CNTN5: variants seen among roughly 807,000 people sequenced by gnomAD.
CNTN5 encodes contactin-5.
CNTN5 carries 77 observed loss-of-function variants against 129.1 expected under a neutral mutation model. The ratio of observed to expected loss-of-function variants is 0.60; its 90% CI spans 0.50 to 0.72. The LOEUF (loss-of-function observed/expected upper bound fraction) is 0.72. Ranked by LOEUF, CNTN5 falls within the 30% of genes least tolerant of loss-of-function variation. The pLI is 0.00. For synonymous variants in CNTN5, 509 were observed against 465.6 expected (o/e 1.09, Z -1.20); for missense variants, 1,478 against 1,328.8 (o/e 1.11, Z -1.75).
At chr11:99,097,897 A>G (rs907570326) in intron 1 of CNTN5, among the ~76,000 whole-genome samples, 2 of 152,040 alleles carry the variant, frequency 1.3e-5, no homozygotes, top group African/African-American at 4.8e-5. Context: ...GTGGTGAGAT[A>G]AGGAAGTAAA....
intron 1 of CNTN5, among the ~76,000 whole-genome samples, chr11:99,169,527 C>A (rs1211364700): frequency 6.6e-6 from 1 of 151,968 alleles, no homozygotes. Flanking sequence ...GTTGATGAAA[C>A]CTATGAGCCA....
intron 3 of CNTN5, among the ~76,000 whole-genome samples, chr11:99,817,776 A>G (rs1278196811): frequency 1.3e-5 from 2 of 152,058 alleles, no homozygotes; most frequent in East Asian, 1.9e-4. Context: ...CTTGCATTTA[A>G]TTCCATGTTT....
At chr11:100,077,307 A>G in intron 13 of CNTN5, among the ~76,000 whole-genome samples, 1 of 152,190 alleles carries the variant, frequency 6.6e-6, no homozygotes. Flanking sequence ...ATAAATATAA[A>G]TATCACTCAT....
At chr11:99,765,271 T>A (rs1248505993) in intron 3 of CNTN5, among the ~76,000 whole-genome samples, 1 of 151,870 alleles carries the variant, frequency 6.6e-6, no homozygotes, top group African/African-American at 2.4e-5. Flanking sequence ...ATAGTAAATA[T>A]CACTATGTTA....
intron 13 of CNTN5, among the ~76,000 whole-genome samples, chr11:100,151,883 C>G (rs1812811): frequency 0.014 from 2,130 of 152,138 alleles, 23 homozygotes; most frequent in Admixed American, 0.024. Flanking sequence ...GTCTTTATTC[C>G]TACATGAAAG....
chr11:99,539,073 G>T (rs905996283), intron 2 of CNTN5, among the ~76,000 whole-genome samples: 4 of 151,916 alleles, frequency 2.6e-5, no homozygotes, highest in Non-Finnish European at 5.9e-5. Flanking sequence ...TACAATAAGA[G>T]AACCTCAGGA....
chr11:99,852,138 T>A (rs1275080342), intron 6 of CNTN5, among the ~76,000 whole-genome samples: 1 of 152,198 alleles, frequency 6.6e-6, no homozygotes, highest in African/African-American at 2.4e-5. Context: ...TGTAACTTTA[T>A]CTTCCATATA....
In CNTN5 at chr11:99,868,249, C is replaced by T. The variant is rs904803755; in HGVS notation, c.577+22987C>T. ...AAAAAAAACAAAAAATTGTATTCTACATAAAACAATCAGAGAACAAAGCAT... is the reference window on the plus strand; with the variant it reads ...AAAAAAAACAAAAAATTGTATTCTATATAAAACAATCAGAGAACAAAGCAT... On this transcript the variant is annotated intron_variant, in intron 6 of 24. Transcript: ENST00000524871. Among the ~76,000 whole-genome samples the T allele has an allele frequency of 4.0e-5, 6 of 151,276 alleles. No individual in the cohort carries two copies. In the East Asian group the frequency reaches 1.2e-3, roughly 29 times the overall value.
intron 2 of CNTN5, among the ~76,000 whole-genome samples, chr11:99,397,733 A>G (rs1036253811): frequency 1.3e-5 from 2 of 151,730 alleles, no homozygotes; most frequent in African/African-American, 4.8e-5. Context: ...CTGGTATTAC[A>G]AGATGTTTCA....
intron 1 of CNTN5, among the ~76,000 whole-genome samples, chr11:99,283,524 A>G (rs1358390321): frequency 6.6e-6 from 1 of 152,140 alleles, no homozygotes; most frequent in African/African-American, 2.4e-5. Flanking sequence ...AGAATCATTC[A>G]GTCCACTTTT....
intron 3 of CNTN5, among the ~76,000 whole-genome samples, chr11:99,808,691 A>T (rs578199699): frequency 1.3e-5 from 2 of 152,174 alleles, no homozygotes; most frequent in African/African-American, 4.8e-5. Context: ...AACCATAAAC[A>T]TATTTCCAAT....
intron 13 of CNTN5, among the ~76,000 whole-genome samples, chr11:100,147,639 T>A (rs1169637693): frequency 6.6e-6 from 1 of 150,846 alleles, no homozygotes; most frequent in African/African-American, 2.4e-5. Flanking sequence ...TGCGTGTATT[T>A]GTGTGTGTGT....
chr11:100,000,169 TAAATA>T (rs1939768159), intron 8 of CNTN5, among the ~76,000 whole-genome samples: 2 of 149,932 alleles, frequency 1.3e-5, no homozygotes, highest in African/African-American at 2.5e-5. Context: ...ATAATAAAAA[TAAATA>T]AATAAATAAA....
At chr11:99,777,592 A>G (rs1210278405) in intron 3 of CNTN5, among the ~76,000 whole-genome samples, 1 of 151,856 alleles carries the variant, frequency 6.6e-6, no homozygotes, top group Non-Finnish European at 1.5e-5. Context: ...TTAATTCTCA[A>G]GATAAAAAAA....
chr11:99,763,287 A>G (rs1448643935), intron 3 of CNTN5, among the ~76,000 whole-genome samples: 4 of 152,136 alleles, frequency 2.6e-5, no homozygotes, highest in African/African-American at 7.2e-5. Context: ...TCCATCCTTT[A>G]CCATACAGAG....
intron 7 of CNTN5, among the ~76,000 whole-genome samples, chr11:99,923,722 C>A (rs1949990134): frequency 6.6e-6 from 1 of 151,344 alleles, no homozygotes; most frequent in Admixed American, 6.6e-5. Context: ...TTCACTGTAA[C>A]CTCACCAATA....
At chr11:100,000,615 A>C (rs986044200) in intron 8 of CNTN5, among the ~76,000 whole-genome samples, 1 of 152,148 alleles carries the variant, frequency 6.6e-6, no homozygotes, top group African/African-American at 2.4e-5. Context: ...ATATTCTTAC[A>C]GCTCCAGTAA....
At chr11:99,764,558 A>T (rs868558771) in intron 3 of CNTN5, among the ~76,000 whole-genome samples, 36 of 152,190 alleles carry the variant, frequency 2.4e-4, no homozygotes, top group African/African-American at 8.7e-4. Context: ...CTGGGATTAT[A>T]GGCATGCACC....
intron 1 of CNTN5, among the ~76,000 whole-genome samples, chr11:99,069,472 A>G (rs1865243101): frequency 6.6e-6 from 1 of 152,096 alleles, no homozygotes. Flanking sequence ...TCTTGACATC[A>G]TGTATTTGTT....
Sources: gnomAD v4.1 joint callset for allele counts (sites outside exome capture counted in the v4.1 genomes callset) on GRCh38, gnomAD v4.1.1 for gene constraint, MANE v1.5 for transcripts, NCBI Gene and HGNC (gene_info 2026-07-23, HGNC 2026-07-21) for gene names.